Variants in EDEM1 observed in about 807,000 individuals in gnomAD.
EDEM1 encodes ER degradation enhancing alpha-mannosidase like protein 1.
In EDEM1, 67 loss-of-function variants were observed where a neutral mutation model predicts 74.4. The ratio of observed to expected loss-of-function variants is 0.90; its 90% CI spans 0.74 to 1.10. The LOEUF is 1.10. Among genes scored for constraint, EDEM1 ranks in the 50% least tolerant of loss-of-function variants. The pLI is 0.00. For missense variants in EDEM1, 926 were observed against 851.6 expected (o/e 1.09, Z -1.09); for synonymous variants, 382 against 335.9 (o/e 1.14, Z -1.50).
At chr3:5,203,291 T>C (rs2055055994) in intron 5 of EDEM1, 142 bp downstream of exon 5, 1 of 856,324 alleles carries the variant, frequency 1.2e-6, no homozygotes, top group African/African-American at 1.8e-5. Context: ...CTAATTTCTT[T>C]ATGTGACCCT....
At chr3:5,198,550 TA>T (rs2054997341) in intron 2 of EDEM1, among the ~76,000 whole-genome samples, 1 of 152,102 alleles carries the variant, frequency 6.6e-6, no homozygotes, top group Non-Finnish European at 1.5e-5. Flanking sequence ...CCTGTGAAGA[TA>T]AACTGTCAAT....
At chr3:5,211,333 T>TG in intron 10 of EDEM1, 117 bp downstream of exon 10, 1 of 990,676 alleles carries the variant, frequency 1.0e-6, no homozygotes, top group Non-Finnish European at 1.5e-6. Flanking sequence ...ACATTGTGCA[T>TG]TCCCAGGATG....
intron 5 of EDEM1, among the ~76,000 whole-genome samples, chr3:5,204,166 A>T (rs761801360): frequency 6.6e-6 from 1 of 152,064 alleles, no homozygotes; most frequent in South Asian, 2.1e-4. Context: ...GACCAGTGTC[A>T]CTCCCGATTG....
At position 5,188,091 on chromosome 3, in the gene EDEM1, G is replaced by A; in HGVS notation, c.286G>A (p.Gly96Ser). ...APRRPGPGMC[G>S]PANWGYVLGG... is the part of the protein sequence containing the mutation. ...GCGGCGTCCTGGGCCGGGGATGTGCGGCCCAGCCAACTGGGGCTACGTGCT... is the reference window on the plus strand; with the variant it reads ...GCGGCGTCCTGGGCCGGGGATGTGCAGCCCAGCCAACTGGGGCTACGTGCT... Residue 96 changes from glycine to serine, a missense_variant, in exon 1 of 12, where the codon GGC becomes AGC. Physicochemically the swap from Gly to Ser is moderately conservative, Grantham distance 56. Transcript: ENST00000256497. The A allele has an allele frequency of 1.3e-6, 2 of 1,497,716 alleles. No individual in the cohort carries two copies. The highest frequency in any genetic ancestry group is 1.8e-6 in the Non-Finnish European group (2 of 1,122,072). The allele number at this position is 1,497,716 out of a possible 1,614,324, so 92.8% of individuals were successfully genotyped here.
intron 4 of EDEM1, among the ~76,000 whole-genome samples, chr3:5,202,622 T>G (rs548574451): frequency 5.9e-5 from 9 of 152,188 alleles, no homozygotes; most frequent in Admixed American, 5.2e-4. Flanking sequence ...CATTTAAAAT[T>G]TAGAAGAAAT....
intron 10 of EDEM1, among the ~76,000 whole-genome samples, chr3:5,212,218 C>T (rs907120086): frequency 2.6e-5 from 4 of 152,200 alleles, no homozygotes; most frequent in Admixed American, 2.6e-4. Context: ...AGCTGCTGGT[C>T]TAATCCATTA....
rs960629264 is a variant in EDEM1 at position 5,218,357 on chromosome 3, T to G, written c.*2439T>G. ...AGCCAGTTTCAAAGGTTACTTGTTTTTTTTTTTTTTTTTTAAAGTCAGAAT... is the reference window on the plus strand; with the variant it reads ...AGCCAGTTTCAAAGGTTACTTGTTTGTTTTTTTTTTTTTTAAAGTCAGAAT... On this transcript the variant is annotated 3_prime_UTR_variant, in exon 12 of 12. Transcript: ENST00000256497. 1.3e-5 allele frequency: 2 copies of G among 151,582 alleles called. No individual in the cohort carries two copies. Among genetic ancestry groups the G allele is most frequent in the Admixed American group, 6.6e-5 (1 of 15,226 alleles). The allele number at this position is 151,582 out of a possible 1,614,324, so 9.4% of individuals were successfully genotyped here.
At chr3:5,212,225 A>G (rs1320920435) in intron 10 of EDEM1, among the ~76,000 whole-genome samples, 1 of 152,222 alleles carries the variant, frequency 6.6e-6, no homozygotes, top group East Asian at 1.9e-4. Flanking sequence ...GGTCTAATCC[A>G]TTAAGACGAT....
Position 5,215,917 on chromosome 3 carries a change from G to T in EDEM1, c.1973G>T (p.Ter658LeuextTer9). The change falls in exon 12 of 12, where the codon TGA becomes TTA. Residue 658 changes from the stop codon to leucine, a stop_lost. Transcript: ENST00000256497. ...ATTGACCAGATGGTTGGTTTGATTT[G>T]ATCTGCTCTCTGTGAGGCCTCATCT... ...RQIDQMVGLI[*>L] The T allele has an allele frequency of 1.2e-6, 2 of 1,612,128 alleles. No homozygotes were observed. The highest frequency in any genetic ancestry group is 1.1e-5 in the South Asian group (1 of 90,544).
chr3:5,213,604 CAG>C, intron 11 of EDEM1, 82 bp downstream of exon 11: 1 of 1,347,306 alleles, frequency 7.4e-7, no homozygotes, highest in Non-Finnish European at 1.0e-6. Context: ...GACTTCCTGA[CAG>C]AAAATTGATG....
At position 5,195,271 on chromosome 3, in the gene EDEM1, A is replaced by C. The variant is rs774209455; in HGVS notation, c.572A>C (p.Asp191Ala). Residue 191 changes from aspartate (D) to alanine (A), a missense_variant, in exon 2 of 12, where the codon GAT (aspartate) becomes GCT (alanine). Coordinates refer to ENST00000256497, the MANE Select transcript of EDEM1 (RefSeq NM_014674.3). ...TCATTGACTCTTGTTGATGCATTGGATACACTTGCAGTAAGTGTTCACCTT... is the reference window on the plus strand; with the variant it reads ...TCATTGACTCTTGTTGATGCATTGGCTACACTTGCAGTAAGTGTTCACCTT... ...NYSLTLVDAL[D>A]TLAIMGNSSE... is the part of the protein sequence containing the mutation. The C allele has an allele frequency of 1.3e-6, 2 of 1,563,424 alleles. No individual in the cohort carries two copies. The highest frequency in any genetic ancestry group is 1.7e-6 in the Non-Finnish European group (2 of 1,152,736).
chr3:5,214,281 C>G (rs1164073174), intron 11 of EDEM1, among the ~76,000 whole-genome samples: 2 of 152,146 alleles, frequency 1.3e-5, no homozygotes, highest in Non-Finnish European at 2.9e-5. Flanking sequence ...TTGTTATCCC[C>G]CAGGGCCTTG....
At chr3:5,191,352 T>C (rs900325795) in intron 1 of EDEM1, among the ~76,000 whole-genome samples, 5 of 152,014 alleles carry the variant, frequency 3.3e-5, no homozygotes, top group African/African-American at 1.2e-4. Context: ...GCCTCCCGAA[T>C]AGCTGGGACT....
chr3:5,208,332 G>A (rs1262922255), intron 8 of EDEM1, 69 bp downstream of exon 8: 3 of 1,543,860 alleles, frequency 1.9e-6, no homozygotes, highest in East Asian at 4.5e-5. Flanking sequence ...CATTCTTAAT[G>A]AACATTTGCT....
rs138065318 is a variant in EDEM1, at chr3:5,198,236, A to G, written c.583-1356A>G. Among the ~76,000 whole-genome samples, 1,067 of 152,136 alleles carry G rather than the reference A, an allele frequency of 7.0e-3. 13 individuals carry two copies. Among genetic ancestry groups the G allele is most frequent in the African/African-American group, 0.024 (1,008 of 41,512 alleles). On this transcript the variant is annotated intron_variant, in intron 2 of 11. Coordinates refer to ENST00000256497, the MANE Select transcript of EDEM1 (RefSeq NM_014674.3). Reference sequence around the variant, plus strand: ...CTAATTTTTTGTATTTTTAGTAGAGACAAGGTTTTGCCATGTTGGCCAGGC... The same window carrying G: ...CTAATTTTTTGTATTTTTAGTAGAGGCAAGGTTTTGCCATGTTGGCCAGGC...
At chr3:5,211,014 T>G in intron 9 of EDEM1, 106 bp from the exon 10 acceptor site, 1 of 1,016,632 alleles carries the variant, frequency 9.8e-7, no homozygotes, top group Non-Finnish European at 1.5e-6. Context: ...TCATATGGTG[T>G]TGGATGACTG....
chr3:5,211,683 T>C (rs1559300318), intron 10 of EDEM1, among the ~76,000 whole-genome samples: 1 of 152,046 alleles, frequency 6.6e-6, no homozygotes, highest in Non-Finnish European at 1.5e-5. Context: ...TGTGTGTGTG[T>C]GTGTGTAGAG....
intron 2 of EDEM1, among the ~76,000 whole-genome samples, chr3:5,196,283 C>T (rs2054965928): frequency 6.6e-6 from 1 of 152,064 alleles, no homozygotes; most frequent in African/African-American, 2.4e-5. Flanking sequence ...ATGGTGAAAC[C>T]CCTTCTCTAC....
chr3:5,217,813 A>G lies in EDEM1; in HGVS notation c.*1895A>G, dbSNP rs974839142. 2.0e-5 allele frequency: 3 copies of G among 152,240 alleles called. No homozygotes were observed. The highest frequency in any genetic ancestry group is 1.9e-4 in the East Asian group (1 of 5,204). 9.4% of individuals were successfully genotyped at this position (152,240 alleles called of 1,614,324 possible). On this transcript the variant is annotated 3_prime_UTR_variant, in exon 12 of 12. Transcript: ENST00000256497. ...ATGTTAATTACACACACATGCATGC[A>G]TGCACACACGAGCATACTTGTACCT...
Sources: gnomAD v4.1 joint callset for allele counts (sites outside exome capture counted in the v4.1 genomes callset) on GRCh38, gnomAD v4.1.1 for gene constraint, MANE v1.5 for transcripts, NCBI Gene and HGNC (gene_info 2026-07-23, HGNC 2026-07-21) for gene names.